Variants in CUX2 observed in about 807,000 individuals in gnomAD.
CUX2 encodes the protein homeobox protein cut-like 2.
CUX2 carries 40 observed loss-of-function variants against 144.8 expected under a neutral mutation model. The ratio of observed to expected loss-of-function variants is 0.28; its 90% CI spans 0.21 to 0.36. CUX2 has a LOEUF of 0.36. Among genes scored for constraint, CUX2 ranks in the 10% least tolerant of loss-of-function variants. The pLI is 1.00. For missense variants in CUX2, 1,615 were observed against 1,994.0 expected (o/e 0.81, Z 3.62); for synonymous variants, 827 against 875.6 (o/e 0.94, Z 0.98).
At chr12:111,176,721 T>C (rs1444105006) in intron 1 of CUX2, among the ~76,000 whole-genome samples, 1 of 152,196 alleles carries the variant, frequency 6.6e-6, no homozygotes, top group Non-Finnish European at 1.5e-5. Context: ...GGGACAGGGC[T>C]CCTGACCATC....
intron 1 of CUX2, among the ~76,000 whole-genome samples, chr12:111,042,490 G>A (rs112963687): frequency 2.0e-5 from 3 of 152,298 alleles, no homozygotes; most frequent in African/African-American, 7.2e-5. Flanking sequence ...GGAGCCAGCA[G>A]GCCTCGGTTC....
chr12:111,069,215 A>C (rs1871149357), intron 1 of CUX2, among the ~76,000 whole-genome samples: 1 of 152,224 alleles, frequency 6.6e-6, no homozygotes, highest in Non-Finnish European at 1.5e-5. Flanking sequence ...TAGTGAAGAC[A>C]GTATGGGAAA....
intron 1 of CUX2, among the ~76,000 whole-genome samples, chr12:111,192,476 T>TC (rs1271049605): frequency 6.6e-6 from 1 of 150,998 alleles, no homozygotes; most frequent in Non-Finnish European, 1.5e-5. Context: ...CCCTTTCTTT[T>TC]CCCCGAGAAC....
rs869086838 is a variant in CUX2, at chr12:111,274,075, GT to G, written c.301+10243del. Reference sequence around the variant, plus strand: ...TGATTTTTTGTTGTTGTTTTTGGGGGTTTTTTTGTTGGGTGTTTTTTGTTTT... The same window carrying G: ...TGATTTTTTGTTGTTGTTTTTGGGGGTTTTTTGTTGGGTGTTTTTTGTTTT... On this transcript the variant is annotated intron_variant, in intron 4 of 21. Coordinates refer to ENST00000261726, the MANE Select transcript of CUX2 (RefSeq NM_015267.4). Among the ~76,000 whole-genome samples the G allele has an allele frequency of 3.9e-5, 6 of 152,118 alleles. No individual in the cohort carries two copies. The East Asian group carries it at 5.8e-4, about 15-fold the overall frequency.
intron 1 of CUX2, among the ~76,000 whole-genome samples, chr12:111,094,938 T>C (rs988759325): frequency 3.9e-5 from 6 of 152,194 alleles, no homozygotes; most frequent in African/African-American, 1.4e-4. Flanking sequence ...TGGACGAAGG[T>C]AGACTGGCTT....
rs1290571817 is a variant in CUX2, at chr12:111,068,123, AC to A, written c.63+33885del. Among the ~76,000 whole-genome samples the A allele has an allele frequency of 6.6e-6, 1 of 151,972 alleles. No individual in the cohort carries two copies. The highest frequency in any genetic ancestry group is 1.5e-5 in the Non-Finnish European group (1 of 67,998). ...AAGTCCCTCCCGTGTCCCCAAGCCC[AC>A]CACACCTGCTTCGTTCTGCATAGTT... is the stretch of plus-strand genomic sequence containing the variant. On this transcript the variant is annotated intron_variant, in intron 1 of 21. Coordinates refer to ENST00000261726, the MANE Select transcript of CUX2 (RefSeq NM_015267.4). The surrounding 1 kb of genome is among the most constrained non-coding windows in gnomAD (Gnocchi z 4.9).
At chr12:111,340,205 A>T (rs1888521275) in intron 20 of CUX2, among the ~76,000 whole-genome samples, 1 of 152,190 alleles carries the variant, frequency 6.6e-6, no homozygotes, top group South Asian at 2.1e-4. Flanking sequence ...TCTAAAAAAA[A>T]ATGCATTTTC....
At chr12:111,261,107 A>G (rs1270451983) in intron 3 of CUX2, among the ~76,000 whole-genome samples, 2 of 152,184 alleles carry the variant, frequency 1.3e-5, no homozygotes, top group African/African-American at 4.8e-5. Context: ...TATCCAGGAC[A>G]AAAGGAAGGC....
At chr12:111,096,552 C>A (rs1476241686) in intron 1 of CUX2, among the ~76,000 whole-genome samples, 1 of 152,166 alleles carries the variant, frequency 6.6e-6, no homozygotes, top group Non-Finnish European at 1.5e-5. Context: ...ATAGCCATCC[C>A]GTGGTCCTGT....
Position 111,320,068 on chromosome 12 carries a change from A to G in CUX2, c.2059A>G (p.Ser687Gly). 1.3e-6 allele frequency: 2 copies of G among 1,552,334 alleles called. No individual in the cohort carries two copies. Among genetic ancestry groups the G allele is most frequent in the African/African-American group, 1.4e-5 (1 of 73,348 alleles). Reference sequence around the variant, plus strand: ...CATCGCCAACGGCACGACCCCCGCCAGCACCTCGGAGGACGCCATCAAGAG... The same window carrying G: ...CATCGCCAACGGCACGACCCCCGCCGGCACCTCGGAGGACGCCATCAAGAG... ...LSIANGTTPASTSEDAIKSIL... is the reference protein window; with the variant it reads ...LSIANGTTPAGTSEDAIKSIL... The change falls in exon 17 of 22, where the codon AGC (serine) becomes GGC (glycine). Residue 687 changes from serine (S) to glycine (G), a missense_variant. By Grantham distance (56) the Ser-to-Gly change is moderately conservative. Transcript: ENST00000261726. This position sits in a 1 kb window ranked among gnomAD's most constrained non-coding sequence, Gnocchi z 8.1.
chr12:111,317,155 C>T (rs770960358), intron 16 of CUX2, among the ~76,000 whole-genome samples: 1 of 152,088 alleles, frequency 6.6e-6, no homozygotes, highest in South Asian at 2.1e-4. Context: ...TCTAAGAGGA[C>T]CCACTAGGAT....
intron 3 of CUX2, among the ~76,000 whole-genome samples, chr12:111,230,224 G>A (rs983322659): frequency 8.8e-5 from 13 of 148,284 alleles, no homozygotes; most frequent in South Asian, 2.3e-4. Context: ...ACGGGGAGGG[G>A]AGGAATGGGG....
intron 1 of CUX2, among the ~76,000 whole-genome samples, chr12:111,094,255 A>G (rs1236887451): frequency 6.6e-6 from 1 of 152,204 alleles, no homozygotes; most frequent in Non-Finnish European, 1.5e-5. Flanking sequence ...CAAGAGCCGC[A>G]TGAAGGAGGG....
chr12:111,271,576 T>C (rs531842011), intron 4 of CUX2, among the ~76,000 whole-genome samples: 9 of 152,312 alleles, frequency 5.9e-5, no homozygotes, highest in Non-Finnish European at 1.3e-4. Context: ...ATTGGTACTG[T>C]GCTGTACCAA....
At position 111,347,535 on chromosome 12, in the gene CUX2, G is replaced by T. The variant is rs753023731; in HGVS notation, c.3671G>T (p.Arg1224Leu). 6.3e-7 allele frequency: 1 copy of T among 1,597,390 alleles called. No homozygotes were observed. The highest frequency in any genetic ancestry group is 1.1e-5 in the South Asian group (1 of 88,740). ...CGTCTCTGCCCCAGGTCCCGGATGC[G>T]CCGGGAGATGTTGGTGGAGGGGACC... ...NWFHNYRSRM[R>L]REMLVEGTQD... Residue 1224 changes from arginine to leucine, a missense_variant, in exon 22 of 22, where the codon CGC becomes CTC. Physicochemically the swap from Arg to Leu is moderately radical, Grantham distance 102. Transcript: ENST00000261726.
At chr12:111,047,073 C>T (rs1487730984) in intron 1 of CUX2, among the ~76,000 whole-genome samples, 2 of 152,216 alleles carry the variant, frequency 1.3e-5, no homozygotes, top group African/African-American at 2.4e-5. Context: ...AGAAAGCTCC[C>T]GGTTCCCAGC....
intron 18 of CUX2, among the ~76,000 whole-genome samples, chr12:111,328,563 C>G (rs963136051): frequency 2.0e-5 from 3 of 150,326 alleles, no homozygotes; most frequent in African/African-American, 7.4e-5. Context: ...ATCTCTGTCT[C>G]TCTCCTCCAA....
intron 16 of CUX2, among the ~76,000 whole-genome samples, chr12:111,318,598 T>C (rs7973949): frequency 6.9e-6 from 1 of 144,930 alleles, no homozygotes; most frequent in Non-Finnish European, 1.5e-5. Flanking sequence ...ATCTCTTTTT[T>C]TAAAAAAAAA....
chr12:111,048,650 T>G (rs963745961), intron 1 of CUX2, among the ~76,000 whole-genome samples: 10 of 152,102 alleles, frequency 6.6e-5, no homozygotes, highest in South Asian at 2.1e-4. Flanking sequence ...GTGGGCATTA[T>G]TACCAGTGTG....
Sources: gnomAD v4.1 joint callset for allele counts (sites outside exome capture counted in the v4.1 genomes callset) on GRCh38, gnomAD v4.1.1 for gene constraint, Gnocchi (gnomAD v3.1) non-coding constraint, MANE v1.5 for transcripts, NCBI Gene and HGNC (gene_info 2026-07-23, HGNC 2026-07-21) for gene names.